Variants in RASSF4 observed in about 807,000 individuals in gnomAD.
RASSF4 encodes the protein ras association domain-containing protein 4.
RASSF4 carries 38 observed loss-of-function variants against 41.1 expected under a neutral mutation model. The observed-to-expected ratio is 0.92, with a 90% CI of 0.71 to 1.21. RASSF4 has a LOEUF of 1.21. Among genes scored for constraint, RASSF4 ranks in the 50% most tolerant of loss-of-function variants. The pLI, the probability that RASSF4 is intolerant of heterozygous loss-of-function variation, is 0.00. For synonymous variants in RASSF4, 179 were observed against 163.4 expected (o/e 1.10, Z -0.73); for missense variants, 414 against 419.4 (o/e 0.99, Z 0.11).
Position 44,984,032 on chromosome 10 carries a change from T to C in RASSF4, c.292T>C (p.Ser98Pro), listed in dbSNP as rs752176216. ...GTTGTCTGTTTTCAGAAAGGAGCCA[T>C]CGCCCCAGAACGGGAACATCACAGC... The part of the protein sequence containing the change: ...RRPSCPLKEP[S>P]PQNGNITAQG... The change falls in exon 5 of 11, where the codon TCG (serine) becomes CCG (proline). Residue 98 changes from serine to proline, a missense_variant. Ser to Pro is a moderately conservative substitution (Grantham distance 74). Transcript: ENST00000340258. 2 of 1,599,968 alleles carry C rather than the reference T, an allele frequency of 1.3e-6. No individual in the cohort carries two copies. The highest frequency in any genetic ancestry group is 4.5e-5 in the East Asian group (2 of 44,324).
At chr10:44,977,638 G>A in intron 3 of RASSF4, 1 of 1,612,966 alleles carries the variant, frequency 6.2e-7, no homozygotes, top group Non-Finnish European at 8.5e-7. Context: ...GACCCCAGAG[G>A]CCAGCAGAGG....
intron 1 of RASSF4, among the ~76,000 whole-genome samples, chr10:44,968,545 T>G (rs2132765963): frequency 6.6e-6 from 1 of 152,326 alleles, no homozygotes; most frequent in East Asian, 1.9e-4. Flanking sequence ...TGTATTTCCC[T>G]GCCTCTTGCA....
At chr10:44,962,617 C>G (rs951730605) in intron 1 of RASSF4, among the ~76,000 whole-genome samples, 1 of 152,196 alleles carries the variant, frequency 6.6e-6, no homozygotes, top group Non-Finnish European at 1.5e-5. Flanking sequence ...GGGTCTGCCC[C>G]TCTGCATTGC....
At chr10:44,977,429 G>A in intron 3 of RASSF4, 1 of 1,608,110 alleles carries the variant, frequency 6.2e-7, no homozygotes, top group South Asian at 1.1e-5. Flanking sequence ...CGAGTAGAGT[G>A]TTCTGAGGAC....
rs1485814252 is a variant in RASSF4, at chr10:44,984,358, C to G, written c.373+245C>G. ...GACAGTGTGGGGGTGGCCTGAGTCCCCCGCCCTGTGTGTGCTATGGGAAAC... is the reference window on the plus strand; with the variant it reads ...GACAGTGTGGGGGTGGCCTGAGTCCGCCGCCCTGTGTGTGCTATGGGAAAC... On this transcript the variant is annotated intron_variant, in intron 5 of 10. Coordinates refer to ENST00000340258, the MANE Select transcript of RASSF4 (RefSeq NM_032023.4). The G allele has an allele frequency of 2.9e-5, 16 of 558,686 alleles. No homozygotes were observed. The East Asian group carries it at 4.7e-4, about 17-fold the overall frequency. The allele number at this position is 558,686 out of a possible 1,614,324, so 34.6% of individuals were successfully genotyped here.
rs774027720 is a variant in RASSF4 at position 44,991,960 on chromosome 10, T to G, written c.863T>G (p.Leu288Ter). Residue 288 changes from leucine (L) to a stop codon, truncating the protein, a stop_gained, in exon 10 of 11, where the codon TTA becomes TGA. Transcript: ENST00000340258. LOFTEE classifies it high-confidence loss of function. ...GTGCTGGACAGTTTTGTTGAAAAAT[T>G]AAAAGAAGAGGAAGAAAGAGAAATA... is the stretch of plus-strand genomic sequence containing the variant. ...MPVLDSFVEK[L>*]KEEEEREIIK... 1 of 1,613,328 alleles carries G rather than the reference T, an allele frequency of 6.2e-7. No individual in the cohort carries two copies. Among genetic ancestry groups the G allele is most frequent in the Non-Finnish European group, 8.5e-7 (1 of 1,179,358 alleles).
chr10:44,969,794 C>A (rs1037799333), intron 1 of RASSF4, among the ~76,000 whole-genome samples: 1 of 152,248 alleles, frequency 6.6e-6, no homozygotes, highest in Non-Finnish European at 1.5e-5. Context: ...CCCAGGGTAG[C>A]TCTGGAGGAT....
chr10:44,988,276 C>T (rs1275960425), intron 6 of RASSF4, among the ~76,000 whole-genome samples: 1 of 152,132 alleles, frequency 6.6e-6, no homozygotes, highest in East Asian at 1.9e-4. Flanking sequence ...CTAGTTATAG[C>T]TGCCTCAAAG....
chr10:44,993,560 G>T lies in RASSF4; in HGVS notation c.*231G>T. ...GGCCTGAGGGGCCAGGAACTTGCTG[G>T]GTCAGATCTGTGTGGCCAGCCCTGT... is the stretch of plus-strand genomic sequence containing the variant. On this transcript the variant is annotated 3_prime_UTR_variant, in exon 11 of 11. Transcript: ENST00000340258. The T allele has an allele frequency of 1.8e-6, 1 of 565,328 alleles. No individual in the cohort carries two copies. Among genetic ancestry groups the T allele is most frequent in the South Asian group, 2.1e-5 (1 of 48,440 alleles). The allele number at this position is 565,328 out of a possible 1,614,324, so 35.0% of individuals were successfully genotyped here.
At chr10:44,968,530 C>G (rs1227469167) in intron 1 of RASSF4, among the ~76,000 whole-genome samples, 1 of 152,180 alleles carries the variant, frequency 6.6e-6, no homozygotes, top group East Asian at 1.9e-4. Context: ...CTTCTCCAGG[C>G]CAACTGTATT....
intron 1 of RASSF4, among the ~76,000 whole-genome samples, chr10:44,968,875 C>G (rs1318195441): frequency 6.6e-6 from 1 of 152,180 alleles, no homozygotes; most frequent in African/African-American, 2.4e-5. Context: ...GCTGTGCCCC[C>G]TCCCAATGTG....
At chr10:44,984,657 G>C (rs1272196556) in intron 5 of RASSF4, 156 bp from the exon 6 acceptor site, 1 of 829,090 alleles carries the variant, frequency 1.2e-6, no homozygotes, top group African/African-American at 1.7e-5. Flanking sequence ...CTGCAAGCTG[G>C]GAATATCCAG....
At chr10:44,989,867 C>T in intron 8 of RASSF4, 146 bp downstream of exon 8, 2 of 716,646 alleles carry the variant, frequency 2.8e-6, no homozygotes, top group Admixed American at 2.1e-5. Context: ...ACTGTGCCTC[C>T]CAGCATGAAC....
At position 44,991,307 on chromosome 10, in the gene RASSF4, G is replaced by T. The variant is rs181656923; in HGVS notation, c.807+238G>T. The T allele has an allele frequency of 4.7e-5, 19 of 400,506 alleles. 1 individual carries two copies. The Admixed American group carries it at 7.5e-4, about 16-fold the overall frequency. The allele number at this position is 400,506 out of a possible 1,614,324, so 24.8% of individuals were successfully genotyped here. On this transcript the variant is annotated intron_variant, in intron 9 of 10. Coordinates refer to ENST00000340258, the MANE Select transcript of RASSF4 (RefSeq NM_032023.4). ...TTTGGGTCCTATAAAACCATGGCCTGTCCTTTTCCTCTAGGGAAGTAAAGT... is the reference window on the plus strand; with the variant it reads ...TTTGGGTCCTATAAAACCATGGCCTTTCCTTTTCCTCTAGGGAAGTAAAGT...
At chr10:44,960,295 G>T (rs1342189377) in intron 1 of RASSF4, among the ~76,000 whole-genome samples, 1 of 152,194 alleles carries the variant, frequency 6.6e-6, no homozygotes, top group Non-Finnish European at 1.5e-5. Flanking sequence ...TAGAGGGCTC[G>T]CCTTGCTCTG....
chr10:44,992,117 T>C (rs1842136808), intron 10 of RASSF4, 115 bp downstream of exon 10: 2 of 665,662 alleles, frequency 3.0e-6, no homozygotes, highest in Admixed American at 2.7e-5. Flanking sequence ...AGTACCCTGG[T>C]ACGGGAAGGC....
At chr10:44,972,323 C>T (rs1841209946) in intron 3 of RASSF4, among the ~76,000 whole-genome samples, 1 of 152,192 alleles carries the variant, frequency 6.6e-6, no homozygotes, top group Non-Finnish European at 1.5e-5. Context: ...TACACAGGGG[C>T]TTATAGGCTC....
intron 6 of RASSF4, among the ~76,000 whole-genome samples, chr10:44,986,895 T>C (rs999735223): frequency 3.3e-5 from 5 of 152,212 alleles, no homozygotes; most frequent in African/African-American, 1.2e-4. Flanking sequence ...TGAAACTTTG[T>C]AGCTGTTTCT....
At chr10:44,988,929 G>A (rs564032461) in intron 6 of RASSF4, among the ~76,000 whole-genome samples, 8 of 152,188 alleles carry the variant, frequency 5.3e-5, no homozygotes, top group Non-Finnish European at 1.2e-4. Flanking sequence ...TTCAGCCTTA[G>A]AATCAACAGA....
Sources: allele counts gnomAD v4.1 joint callset (sites outside exome capture counted in the v4.1 genomes callset), GRCh38; gene constraint gnomAD v4.1.1; transcripts MANE v1.5; gene names NCBI Gene and HGNC (gene_info 2026-07-23, HGNC 2026-07-21).